Variants in FNDC3A observed in about 807,000 individuals in gnomAD.
The protein encoded by FNDC3A is fibronectin type-III domain-containing protein 3A.
FNDC3A carries 32 observed loss-of-function variants against 148.9 expected under a neutral mutation model. The ratio of observed to expected loss-of-function variants is 0.21; its 90% CI spans 0.16 to 0.29. The LOEUF (loss-of-function observed/expected upper bound fraction) is 0.29. FNDC3A is among the 10% of genes least tolerant of loss of function. The pLI, the probability that FNDC3A is intolerant of heterozygous loss-of-function variation, is 1.00. For synonymous variants in FNDC3A, 472 were observed against 473.6 expected, an observed-to-expected ratio of 1.00 and a Z score of 0.04; for missense variants, 1,191 against 1,452.8, an observed-to-expected ratio of 0.82 and a Z score of 2.93.
chr13:49,117,466 G>A (rs1024979938), intron 4 of FNDC3A, among the ~76,000 whole-genome samples: 1 of 151,872 alleles, frequency 6.6e-6, no homozygotes, highest in South Asian at 2.1e-4. Context: ...ACCCATCCTT[G>A]AGGGCCTACC....
intron 2 of FNDC3A, among the ~76,000 whole-genome samples, chr13:49,032,550 C>G (rs1874195782): frequency 1.3e-5 from 2 of 152,136 alleles, no homozygotes; most frequent in Admixed American, 1.3e-4. Context: ...GACTGGCTAA[C>G]AGGGTGAAAC....
chr13:48,981,039 A>C (rs1951685892), intron 1 of FNDC3A, among the ~76,000 whole-genome samples: 1 of 152,196 alleles, frequency 6.6e-6, no homozygotes, highest in African/African-American at 2.4e-5. Context: ...TACTTAGTAC[A>C]TACAGTACCG....
intron 3 of FNDC3A, among the ~76,000 whole-genome samples, chr13:49,094,038 C>T (rs1460369470): frequency 6.6e-6 from 1 of 152,030 alleles, no homozygotes; most frequent in Non-Finnish European, 1.5e-5. Flanking sequence ...TTATATTAAA[C>T]AAAACACTGA....
At chr13:49,074,929 A>G (rs1199915975) in intron 2 of FNDC3A, among the ~76,000 whole-genome samples, 1 of 152,168 alleles carries the variant, frequency 6.6e-6, no homozygotes, top group African/African-American at 2.4e-5. Context: ...CTCATGCTCT[A>G]CCTATCAGTT....
At chr13:49,176,093 A>C (rs1203762335) in intron 13 of FNDC3A, among the ~76,000 whole-genome samples, 1 of 152,232 alleles carries the variant, frequency 6.6e-6, no homozygotes, top group African/African-American at 2.4e-5. Context: ...TCAATTTGCC[A>C]GTATTTTATT....
intron 10 of FNDC3A, among the ~76,000 whole-genome samples, chr13:49,170,814 G>C (rs952798079): frequency 6.6e-6 from 1 of 152,156 alleles, no homozygotes; most frequent in Non-Finnish European, 1.5e-5. Flanking sequence ...AGAAAAGCTA[G>C]AGGATCAGTC....
chr13:49,175,501 A>C lies in FNDC3A; in HGVS notation c.1490A>C (p.Glu497Ala). The stretch of plus-strand genomic sequence containing the variant: ...AAGCCCTCAGGAACACCATCAGATG[A>C]AGGAATTTCTTACATTTTAGAGATG... ...WSKPSGTPSD[E>A]GISYILEMEE... Residue 497 changes from glutamate (E) to alanine (A), a missense_variant, in exon 13 of 26, where the codon GAA (glutamate) becomes GCA (alanine). By Grantham distance (107) the Glu-to-Ala change is moderately radical. Transcript: ENST00000492622. 1 of 1,611,194 alleles carries C rather than the reference A, an allele frequency of 6.2e-7. No homozygotes were observed. The highest frequency in any genetic ancestry group is 8.5e-7 in the Non-Finnish European group (1 of 1,178,728).
Position 49,144,216 on chromosome 13 carries a change from C to T in FNDC3A, c.820-1562C>T, listed in dbSNP as rs1219151831. Among the ~76,000 whole-genome samples the T allele has an allele frequency of 4.0e-5, 6 of 151,800 alleles. No homozygotes were observed. In the East Asian group the frequency reaches 5.8e-4, roughly 15 times the overall value. ...TTTAAAAAAGAAAAAAAAACCTGCT[C>T]AGTTTCAAGTTAATAGCCAGCTGTA... On this transcript the variant is annotated intron_variant, in intron 7 of 25. Coordinates refer to ENST00000492622, the MANE Select transcript of FNDC3A (RefSeq NM_001079673.2).
chr13:49,121,823 C>T (rs1465063911), intron 4 of FNDC3A, among the ~76,000 whole-genome samples: 1 of 152,108 alleles, frequency 6.6e-6, no homozygotes, highest in Non-Finnish European at 1.5e-5. Context: ...CCTGAATAGA[C>T]CAATAACAAG....
chr13:49,039,689 A>G (rs978757099), intron 2 of FNDC3A, among the ~76,000 whole-genome samples: 1 of 152,006 alleles, frequency 6.6e-6, no homozygotes, highest in South Asian at 2.1e-4. Context: ...ACTTTTCATT[A>G]TCATACTTTT....
chr13:49,006,546 A>G (rs1315321296), intron 2 of FNDC3A, among the ~76,000 whole-genome samples: 2 of 152,018 alleles, frequency 1.3e-5, no homozygotes, highest in African/African-American at 4.8e-5. Context: ...TCCTTTAGAC[A>G]AATAGTGTGC....
chr13:49,178,705 G>T (rs774472086), intron 14 of FNDC3A, 51 bp downstream of exon 14: 2 of 975,304 alleles, frequency 2.1e-6, no homozygotes, highest in Non-Finnish European at 3.0e-6. Context: ...TATTCTTACT[G>T]GTGTGGTGGG....
chr13:49,113,674 T>C (rs916108502), intron 3 of FNDC3A, among the ~76,000 whole-genome samples: 3 of 152,212 alleles, frequency 2.0e-5, no homozygotes, highest in Admixed American at 1.3e-4. Context: ...ACCTTTGTTC[T>C]TATTCCCTTA....
At chr13:49,174,699 C>A in intron 12 of FNDC3A, 140 bp downstream of exon 12, 1 of 695,840 alleles carries the variant, frequency 1.4e-6, no homozygotes, top group Non-Finnish European at 2.3e-6. Context: ...AGATGTGTTA[C>A]CAGTCTAGCA....
At chr13:49,161,643 T>C (rs1189088475) in intron 8 of FNDC3A, among the ~76,000 whole-genome samples, 1 of 152,182 alleles carries the variant, frequency 6.6e-6, no homozygotes, top group Non-Finnish European at 1.5e-5. Flanking sequence ...TTTGATCCTG[T>C]CATTATGATG....
intron 3 of FNDC3A, among the ~76,000 whole-genome samples, chr13:49,109,281 A>G (rs144969089): frequency 1.3e-5 from 2 of 152,312 alleles, no homozygotes; most frequent in African/African-American, 4.8e-5. Context: ...GATACTTTAA[A>G]TTTATTTAAT....
intron 1 of FNDC3A, among the ~76,000 whole-genome samples, chr13:48,986,553 AC>A (rs1317614190): frequency 6.6e-6 from 1 of 151,408 alleles, no homozygotes; most frequent in Non-Finnish European, 1.5e-5. Flanking sequence ...GTGCCACCAC[AC>A]CCGGCTAATT....
intron 2 of FNDC3A, among the ~76,000 whole-genome samples, chr13:49,038,405 A>G (rs969863938): frequency 2.6e-5 from 4 of 152,188 alleles, no homozygotes; most frequent in Admixed American, 6.5e-5. Flanking sequence ...CCCTAATCCA[A>G]TATGGCTGGT....
At chr13:49,128,762 C>T in intron 4 of FNDC3A, among the ~76,000 whole-genome samples, 1 of 152,218 alleles carries the variant, frequency 6.6e-6, no homozygotes, top group East Asian at 1.9e-4. Context: ...TGCAGTCACA[C>T]CAGCTTCCTT....
Sources: allele counts gnomAD v4.1 joint callset (sites outside exome capture counted in the v4.1 genomes callset), GRCh38; gene constraint gnomAD v4.1.1; transcripts MANE v1.5; gene names NCBI Gene and HGNC (gene_info 2026-07-23, HGNC 2026-07-21).